The following AP4S1 variants were observed in gnomAD, a reference collection of about 807,000 sequenced individuals.
The protein encoded by AP4S1 is adaptor related protein complex 4 subunit sigma 1, also known as AP-4 complex subunit sigma-1.
AP4S1 carries 23 observed loss-of-function variants against 19.8 expected under a neutral mutation model. That is an observed-to-expected ratio of 1.16 (90% confidence interval 0.84 to 1.65). AP4S1 has a LOEUF of 1.65. Ranked by LOEUF, AP4S1 falls within the 40% of genes most tolerant of loss-of-function variation. The pLI is 0.00. For missense variants in AP4S1, 166 were observed against 172.8 expected (o/e 0.96, Z 0.22); for synonymous variants, 46 against 54.1 (o/e 0.85, Z 0.66).
Position 31,039,577 on chromosome 14 carries a change from T to TG in AP4S1, c.-72+13790_-72+13791insG, listed in dbSNP as rs1389162953. Among the ~76,000 whole-genome samples, 398 of 145,042 alleles carry TG rather than the reference T, an allele frequency of 2.7e-3. 4 individuals are homozygous for TG. The highest frequency in any genetic ancestry group is 6.9e-3 in the Middle Eastern group (2 of 290). On this transcript the variant is annotated intron_variant, in intron 1 of 5. Coordinates refer to ENST00000542754, the MANE Select transcript of AP4S1 (RefSeq NM_001128126.3). The stretch of plus-strand genomic sequence containing the variant: ...AATACAATAGGTGTAGTTTTGTTTT[T>TG]TTTTTTTTTTTTTGAGACGGAGTTT...
chr14:31,073,292 C>A lies in AP4S1; in HGVS notation c.294+319C>A, dbSNP rs185166092. The A allele has an allele frequency of 1.6e-3, 486 of 297,536 alleles. 2 individuals carry two copies. The highest frequency in any genetic ancestry group is 2.8e-3 in the Non-Finnish European group (425 of 153,378). 18.4% of individuals were successfully genotyped at this position (297,536 alleles called of 1,614,324 possible). The stretch of plus-strand genomic sequence containing the variant: ...GATCACAAGGTCAGGAGATGGAGAC[C>A]ATCCTGGCTAATACGGTGAAACCCC... On this transcript the variant is annotated intron_variant, in intron 4 of 5. Transcript: ENST00000542754.
chr14:31,077,768 G>A (rs1001348573), intron 4 of AP4S1, among the ~76,000 whole-genome samples: 4 of 137,548 alleles, frequency 2.9e-5, no homozygotes, highest in Non-Finnish European at 3.0e-5. Flanking sequence ...ATGGAGTCTC[G>A]CTCTGTCGCC....
intron 1 of AP4S1, among the ~76,000 whole-genome samples, chr14:31,034,530 A>T (rs1884604417): frequency 6.6e-6 from 1 of 151,308 alleles, no homozygotes; most frequent in Non-Finnish European, 1.5e-5. Flanking sequence ...GCCTCAAGGG[A>T]TCCTCTTGCC....
At chr14:31,055,791 G>T (rs1886076918) in intron 1 of AP4S1, among the ~76,000 whole-genome samples, 1 of 151,830 alleles carries the variant, frequency 6.6e-6, no homozygotes, top group African/African-American at 2.4e-5. Flanking sequence ...GAGCTAGAAA[G>T]AATGTTAATT....
intron 3 of AP4S1, among the ~76,000 whole-genome samples, chr14:31,070,582 G>A (rs1350608420): frequency 6.6e-6 from 1 of 152,176 alleles, no homozygotes; most frequent in Admixed American, 6.5e-5. Context: ...GAGGAAAGCT[G>A]TGTGGAAGAG....
intron 1 of AP4S1, among the ~76,000 whole-genome samples, chr14:31,033,970 T>C (rs550524263): frequency 6.6e-6 from 1 of 152,150 alleles, no homozygotes; most frequent in Admixed American, 6.6e-5. Flanking sequence ...AAAGAAAGGA[T>C]TGCCTGGAGC....
intron 5 of AP4S1, chr14:31,085,158 A>C: frequency 8.3e-7 from 1 of 1,208,368 alleles, no homozygotes. Context: ...TTTCCCCATC[A>C]TGGGGCAGAT....
chr14:31,047,004 A>T (rs1885449904), intron 1 of AP4S1, among the ~76,000 whole-genome samples: 2 of 152,124 alleles, frequency 1.3e-5, no homozygotes, highest in Non-Finnish European at 2.9e-5. Flanking sequence ...ACATCTTAGC[A>T]TTTGTTACTG....
intron 1 of AP4S1, among the ~76,000 whole-genome samples, chr14:31,027,830 T>C (rs1442253666): frequency 7.2e-5 from 11 of 152,094 alleles, no homozygotes; most frequent in Admixed American, 6.5e-4. Context: ...GTTTGAAAAA[T>C]AAGACAAAAA....
At chr14:31,051,205 A>G (rs910167609) in intron 1 of AP4S1, among the ~76,000 whole-genome samples, 1 of 151,278 alleles carries the variant, frequency 6.6e-6, no homozygotes, top group African/African-American at 2.4e-5. Flanking sequence ...GCAGTGAGCC[A>G]TGTTTGCACC....
intron 5 of AP4S1, chr14:31,085,521 C>G (rs1887883201): frequency 1.0e-6 from 1 of 985,442 alleles, no homozygotes; most frequent in Non-Finnish European, 1.2e-6. Context: ...CGCCAGTAAT[C>G]CCAGCACTTT....
intron 1 of AP4S1, among the ~76,000 whole-genome samples, chr14:31,052,488 G>A (rs796085172): frequency 5.3e-5 from 8 of 152,100 alleles, no homozygotes; most frequent in African/African-American, 1.9e-4. Context: ...ACTTTGGAAG[G>A]CCAAGGCGGG....
chr14:31,056,626 T>C (rs1194144821), intron 1 of AP4S1, among the ~76,000 whole-genome samples: 9 of 152,232 alleles, frequency 5.9e-5, no homozygotes, highest in African/African-American at 1.9e-4. Context: ...TCCAAAGTGC[T>C]GGGATTACAG....
At chr14:31,050,264 C>G (rs961627768) in intron 1 of AP4S1, among the ~76,000 whole-genome samples, 4 of 152,112 alleles carry the variant, frequency 2.6e-5, no homozygotes, top group Non-Finnish European at 4.4e-5. Flanking sequence ...CCATGTTAGC[C>G]AGGCTGGTCT....
chr14:31,041,861 A>G (rs1885129495), intron 1 of AP4S1, among the ~76,000 whole-genome samples: 1 of 151,514 alleles, frequency 6.6e-6, no homozygotes, highest in African/African-American at 2.4e-5. Context: ...TTATTTTTTG[A>G]TATGGGGGTC....
chr14:31,044,925 T>TA (rs1325872959), intron 1 of AP4S1, among the ~76,000 whole-genome samples: 1 of 151,510 alleles, frequency 6.6e-6, no homozygotes, highest in Non-Finnish European at 1.5e-5. Flanking sequence ...TTTTTTGAGA[T>TA]AGAGTCTCGC....
intron 5 of AP4S1, among the ~76,000 whole-genome samples, chr14:31,091,006 A>T (rs985310509): frequency 2.6e-5 from 4 of 152,200 alleles, no homozygotes; most frequent in Admixed American, 2.6e-4. Flanking sequence ...TGGGAAATTG[A>T]CTTGCTGGAG....
Position 31,092,953 on chromosome 14 carries a change from T to C in AP4S1, c.353T>C (p.Val118Ala). The change falls in exon 6 of 6, where the codon GTG becomes GCG. Residue 118 changes from valine (V) to alanine (A), a missense_variant. Transcript: ENST00000542754. ...GTACACATCATTTTGGATGAGATGGTGTTAAATGGCTGCATTGTGGAAACT... is the reference window on the plus strand; with the variant it reads ...GTACACATCATTTTGGATGAGATGGCGTTAAATGGCTGCATTGTGGAAACT... The part of the protein sequence containing the change: ...DKVHIILDEM[V>A]LNGCIVETNR... The C allele has an allele frequency of 6.5e-7, 1 of 1,547,370 alleles. No homozygotes were observed. The highest frequency in any genetic ancestry group is 1.4e-5 in the African/African-American group (1 of 73,036).
rs1457874323 is a variant in AP4S1 at position 31,058,517 on chromosome 14, CTGTGTGTGTATG to C, written c.-71-7599_-71-7588del. ...GGTCATCAAAACATCTTCCCCATCTCTGTGTGTGTATGTGTGTGTGTGTGTGTGTGTGTGTGT... is the reference window on the plus strand; with the variant it reads ...GGTCATCAAAACATCTTCCCCATCTCTGTGTGTGTGTGTGTGTGTGTGTGT... On this transcript the variant is annotated intron_variant, in intron 1 of 5. Transcript: ENST00000542754. 2.8e-3 allele frequency among the ~76,000 whole-genome samples: 392 copies of C among 139,454 alleles called. 1 individual carries two copies. Among genetic ancestry groups the C allele is most frequent in the African/African-American group, 9.8e-3 (363 of 37,214 alleles). 91.5% of individuals were successfully genotyped at this position (139,454 alleles called of 152,430 possible). A position where few individuals can be genotyped will look rare whatever the true frequency, so the allele number is the denominator to read the frequency against.
Sources: allele counts gnomAD v4.1 joint callset (sites outside exome capture counted in the v4.1 genomes callset), GRCh38; gene constraint gnomAD v4.1.1; transcripts MANE v1.5; gene names NCBI Gene and HGNC (gene_info 2026-07-23, HGNC 2026-07-21).